SDK1: variants seen among roughly 807,000 people sequenced by gnomAD.
The protein encoded by SDK1 is sidekick cell adhesion molecule 1.
SDK1 carries 157 observed loss-of-function variants against 245.5 expected under a neutral mutation model. That is an observed-to-expected ratio of 0.64 (90% confidence interval 0.56 to 0.73). The LOEUF (loss-of-function observed/expected upper bound fraction) is 0.73, where lower values mean the gene tolerates loss of function less well. SDK1 is among the 30% of genes least tolerant of loss of function. The pLI is 0.00. For synonymous variants in SDK1, 1,647 were observed against 1,278.5 expected (o/e 1.29, Z -6.15); for missense variants, 3,583 against 3,002.3 (o/e 1.19, Z -4.52).
At chr7:4,142,626 T>C (rs1779657218) in intron 28 of SDK1, among the ~76,000 whole-genome samples, 3 of 152,146 alleles carry the variant, frequency 2.0e-5, no homozygotes, top group Admixed American at 2.0e-4. Flanking sequence ...TGTGCCCTGC[T>C]AAAGTTTTGT....
At chr7:3,407,357 C>G (rs992091078) in intron 1 of SDK1, among the ~76,000 whole-genome samples, 2 of 152,198 alleles carry the variant, frequency 1.3e-5, no homozygotes, top group South Asian at 2.1e-4. Flanking sequence ...ATGATGCTAG[C>G]CTTCATGGCA....
intron 13 of SDK1, 102 bp downstream of exon 13, chr7:3,974,647 C>T (rs1187337893): frequency 8.9e-7 from 1 of 1,129,538 alleles, no homozygotes; most frequent in African/African-American, 1.5e-5. Context: ...CGGCTTGTGT[C>T]CCAAGTCAGC....
chr7:4,238,851 A>T (rs1298618975), intron 42 of SDK1, among the ~76,000 whole-genome samples: 3 of 151,940 alleles, frequency 2.0e-5, no homozygotes, highest in Non-Finnish European at 4.4e-5. Flanking sequence ...CCCTGCCGAG[A>T]TCCTGTCTCT....
At chr7:4,012,420 C>T (rs1272468624) in intron 16 of SDK1, among the ~76,000 whole-genome samples, 185 bp downstream of exon 16, 3 of 151,894 alleles carry the variant, frequency 2.0e-5, no homozygotes, top group Non-Finnish European at 2.9e-5. Flanking sequence ...CGTGGGCAGC[C>T]GTGCAGAGAC....
At chr7:3,895,530 G>T (rs189894850) in intron 5 of SDK1, among the ~76,000 whole-genome samples, 44 of 152,366 alleles carry the variant, frequency 2.9e-4, no homozygotes, top group Admixed American at 1.7e-3. Context: ...GCTGGAGACA[G>T]TGTAGCCATC....
chr7:4,081,566 AC>A (rs1781059148), intron 22 of SDK1, among the ~76,000 whole-genome samples: 1 of 151,492 alleles, frequency 6.6e-6, no homozygotes, highest in African/African-American at 2.4e-5. Flanking sequence ...GGCTACAGGC[AC>A]CCGCCACCCA....
At chr7:3,710,029 A>G (rs1785000409) in intron 4 of SDK1, among the ~76,000 whole-genome samples, 1 of 152,264 alleles carries the variant, frequency 6.6e-6, no homozygotes, top group African/African-American at 2.4e-5. Flanking sequence ...ACTTGACTAT[A>G]AAGGAAAAAA....
At chr7:4,178,852 T>A (rs1410791486) in intron 35 of SDK1, among the ~76,000 whole-genome samples, 1 of 152,258 alleles carries the variant, frequency 6.6e-6, no homozygotes, top group Non-Finnish European at 1.5e-5. Context: ...TCATATTTAC[T>A]GTGGCTTTGC....
At chr7:4,175,324 A>C (rs1405346543) in intron 33 of SDK1, among the ~76,000 whole-genome samples, 1 of 152,192 alleles carries the variant, frequency 6.6e-6, no homozygotes, top group Non-Finnish European at 1.5e-5. Context: ...AAAACAGCAC[A>C]GTAGAAGGGC....
chr7:3,348,351 A>G (rs1780562809), intron 1 of SDK1, among the ~76,000 whole-genome samples: 1 of 152,194 alleles, frequency 6.6e-6, no homozygotes, highest in African/African-American at 2.4e-5. Context: ...TGAGCCATTC[A>G]TATACATCAT....
At chr7:3,309,965 G>A (rs1047970112) in intron 1 of SDK1, among the ~76,000 whole-genome samples, 1 of 152,130 alleles carries the variant, frequency 6.6e-6, no homozygotes, top group African/African-American at 2.4e-5. Context: ...GGATTTTATT[G>A]TAGGAGTCCT....
chr7:3,840,205 A>G (rs1192186849), intron 5 of SDK1, among the ~76,000 whole-genome samples: 1 of 152,224 alleles, frequency 6.6e-6, no homozygotes, highest in East Asian at 1.9e-4. Flanking sequence ...TGAAAGTGGT[A>G]ATAAGAGGCA....
intron 1 of SDK1, among the ~76,000 whole-genome samples, chr7:3,494,673 T>C (rs1389980991): frequency 6.6e-6 from 1 of 152,242 alleles, no homozygotes; most frequent in East Asian, 1.9e-4. Context: ...TTATATACTC[T>C]GTTAAAGAAG....
intron 1 of SDK1, among the ~76,000 whole-genome samples, chr7:3,540,008 C>A (rs935825992): frequency 3.3e-5 from 5 of 152,140 alleles, no homozygotes; most frequent in Non-Finnish European, 7.4e-5. Context: ...TGTGAAATAT[C>A]TTTACTTTTC....
chr7:3,582,876 A>G (rs1043926587), intron 1 of SDK1, among the ~76,000 whole-genome samples: 3 of 152,182 alleles, frequency 2.0e-5, no homozygotes, highest in African/African-American at 7.2e-5. Flanking sequence ...CAACAACTTT[A>G]TCATTAAGAC....
chr7:3,886,147 T>C (rs1781333956), intron 5 of SDK1, among the ~76,000 whole-genome samples: 1 of 152,196 alleles, frequency 6.6e-6, no homozygotes. Flanking sequence ...ACTGTACAGT[T>C]ATCCTACGTC....
intron 36 of SDK1, 47 bp downstream of exon 36, chr7:4,206,041 C>G: frequency 1.6e-6 from 2 of 1,285,306 alleles, no homozygotes; most frequent in South Asian, 1.4e-5. Context: ...CTTGGGCACC[C>G]CTCGTTCACG....
chr7:4,051,915 A>C, intron 19 of SDK1, 85 bp downstream of exon 19: 1 of 1,323,260 alleles, frequency 7.6e-7, no homozygotes. Context: ...GCAAGGGCAG[A>C]GGTGGATCAC....
At chr7:3,436,926 T>C (rs900215035) in intron 1 of SDK1, among the ~76,000 whole-genome samples, 1 of 152,220 alleles carries the variant, frequency 6.6e-6, no homozygotes, top group Non-Finnish European at 1.5e-5. Flanking sequence ...ATTATTTATT[T>C]ATTTTATTGA....
Sources: allele counts gnomAD v4.1 joint callset (sites outside exome capture counted in the v4.1 genomes callset), GRCh38; gene constraint gnomAD v4.1.1; transcripts MANE v1.5; gene names NCBI Gene and HGNC (gene_info 2026-07-23, HGNC 2026-07-21).